The following WDPCP variants were observed in gnomAD, a reference collection of about 807,000 sequenced individuals.
WDPCP encodes WD repeat-containing and planar cell polarity effector protein fritz homolog.
In WDPCP, 71 loss-of-function variants were observed where a neutral mutation model predicts 93.1. That is an observed-to-expected ratio of 0.76 (90% CI 0.63 to 0.93). WDPCP has a LOEUF of 0.93. Ranked by LOEUF, WDPCP falls within the 40% of genes least tolerant of loss-of-function variation. WDPCP has a pLI of 0.00. For missense variants in WDPCP, 844 were observed against 887.4 expected (o/e 0.95, Z 0.62); for synonymous variants, 315 against 315.0 (o/e 1.00, Z 0.00).
At position 63,520,574 on chromosome 2, in the gene WDPCP, T is replaced by C. The variant is rs1373846559; in HGVS notation, c.76-27634A>G. 2.6e-5 allele frequency among the ~76,000 whole-genome samples: 4 copies of C among 152,236 alleles called. No homozygotes were observed. The East Asian group carries it at 5.8e-4, about 22-fold the overall frequency. ...GCCCTACAAACCAGAAGAGATTGGA[T>C]GCCTACATTAAGCATTTTTTAAAAA... is the stretch of plus-strand genomic sequence containing the variant. On this transcript the variant is annotated intron_variant, in intron 1 of 17. Coordinates refer to ENST00000272321, the MANE Select transcript of WDPCP (RefSeq NM_015910.7).
At chr2:63,638,330 T>TACAC (rs59283182) in intron 3 of WDPCP, among the ~76,000 whole-genome samples, 64 of 149,878 alleles carry the variant, frequency 4.3e-4, no homozygotes, top group African/African-American at 1.5e-3. Context: ...CTCTCTCACA[T>TACAC]ACACACACAC....
intron 2 of WDPCP, among the ~76,000 whole-genome samples, chr2:63,783,525 G>A (rs1173805040): frequency 6.6e-6 from 1 of 152,074 alleles, no homozygotes; most frequent in Non-Finnish European, 1.5e-5. Flanking sequence ...CAAACTAAGT[G>A]TTCATCAGCA....
intron 14 of WDPCP, among the ~76,000 whole-genome samples, chr2:63,248,425 T>G (rs568153588): frequency 6.6e-6 from 1 of 152,178 alleles, no homozygotes; most frequent in East Asian, 1.9e-4. Context: ...TTGATTCTAC[T>G]TGAAGTTCAT....
intron 12 of WDPCP, among the ~76,000 whole-genome samples, chr2:63,345,566 G>C: frequency 6.6e-6 from 1 of 152,142 alleles, no homozygotes; most frequent in Non-Finnish European, 1.5e-5. Context: ...AGCTCACAGA[G>C]GTTCTTATCT....
intron 17 of WDPCP, among the ~76,000 whole-genome samples, chr2:63,151,245 A>G (rs936305743): frequency 6.6e-6 from 1 of 152,152 alleles, no homozygotes; most frequent in Non-Finnish European, 1.5e-5. Context: ...ATTTCAAGAC[A>G]GGGTCTTACT....
chr2:63,386,952 C>G (rs567687208), intron 10 of WDPCP, among the ~76,000 whole-genome samples: 1 of 152,142 alleles, frequency 6.6e-6, no homozygotes, highest in South Asian at 2.1e-4. Flanking sequence ...GAAACTGAAT[C>G]CCTGAACAGA....
At chr2:63,665,493 C>T (rs557993040) in intron 2 of WDPCP, among the ~76,000 whole-genome samples, 1 of 152,216 alleles carries the variant, frequency 6.6e-6, no homozygotes, top group African/African-American at 2.4e-5. Flanking sequence ...CCAGTATGAC[C>T]TAATCATAAC....
chr2:63,350,594 G>C (rs1467887708), intron 12 of WDPCP, among the ~76,000 whole-genome samples: 2 of 152,048 alleles, frequency 1.3e-5, no homozygotes, highest in African/African-American at 4.8e-5. Context: ...GGCTTACACT[G>C]TGAGCTACTG....
intron 2 of WDPCP, among the ~76,000 whole-genome samples, chr2:63,669,835 C>A (rs1710324288): frequency 6.6e-6 from 1 of 152,246 alleles, no homozygotes; most frequent in Non-Finnish European, 1.5e-5. Flanking sequence ...TGAATAGCAA[C>A]CCCAGGATTT....
intron 14 of WDPCP, among the ~76,000 whole-genome samples, chr2:63,227,765 A>C (rs1283709197): frequency 6.6e-6 from 1 of 152,116 alleles, no homozygotes; most frequent in Non-Finnish European, 1.5e-5. Context: ...TGGCTTGCAA[A>C]TAGCATGTGC....
intron 12 of WDPCP, among the ~76,000 whole-genome samples, chr2:63,337,194 T>C (rs1027884149): frequency 6.6e-6 from 1 of 152,206 alleles, no homozygotes; most frequent in East Asian, 1.9e-4. Flanking sequence ...GCACGGCCCA[T>C]GAGAGTCACT....
At chr2:63,628,199 T>C (rs1709830595) in intron 3 of WDPCP, among the ~76,000 whole-genome samples, 1 of 152,162 alleles carries the variant, frequency 6.6e-6, no homozygotes, top group Admixed American at 6.5e-5. Context: ...ATATAGTCTA[T>C]ATACCAGCTT....
chr2:63,569,548 G>A (rs1456093490), intron 1 of WDPCP, among the ~76,000 whole-genome samples: 4 of 152,156 alleles, frequency 2.6e-5, no homozygotes, highest in Non-Finnish European at 4.4e-5. Context: ...AGACGGGAAG[G>A]TCCAAAGATT....
Position 63,808,710 on chromosome 2 carries a change from C to T in WDPCP, n.308+4912G>A, listed in dbSNP as rs1446623049. Among the ~76,000 whole-genome samples, 9 of 152,336 alleles carry T rather than the reference C, an allele frequency of 5.9e-5. No homozygotes were observed. The South Asian group carries it at 1.4e-3, about 25-fold the overall frequency. On this transcript the variant is annotated intron_variant and non_coding_transcript_variant, in intron 2 of 4. Coordinates refer to the WDPCP transcript ENST00000467687. ...CTCGCTACAACCTCCACCTCCCAGC[C>T]GCCTGCCTTGGCCTCCCAAAGTGCC...
intron 1 of WDPCP, among the ~76,000 whole-genome samples, chr2:63,541,741 C>T (rs1387871862): frequency 6.6e-6 from 1 of 152,076 alleles, no homozygotes; most frequent in Non-Finnish European, 1.5e-5. Context: ...ACTAATAAGA[C>T]CACAGACCAA....
chr2:63,564,196 G>A (rs1036809746), intron 1 of WDPCP: 4 of 152,170 alleles, frequency 2.6e-5, no homozygotes, highest in Admixed American at 2.0e-4. Flanking sequence ...GGGTCAACTT[G>A]TCAAGAATAT....
chr2:63,218,308 T>C (rs541593479), intron 14 of WDPCP, among the ~76,000 whole-genome samples: 4 of 152,282 alleles, frequency 2.6e-5, no homozygotes, highest in South Asian at 2.1e-4. Flanking sequence ...ATTAGAAATA[T>C]GATAGCGTTA....
intron 6 of WDPCP, chr2:63,440,111 T>A (rs910500890): frequency 2.4e-6 from 1 of 424,540 alleles, no homozygotes. Context: ...GAAACCTAAT[T>A]TAGGCCATGT....
chr2:63,635,520 C>G (rs1186379770), intron 3 of WDPCP, among the ~76,000 whole-genome samples: 1 of 151,922 alleles, frequency 6.6e-6, no homozygotes, highest in Non-Finnish European at 1.5e-5. Flanking sequence ...GAATCAAACA[C>G]CATAATCAAG....
Sources: allele counts gnomAD v4.1 joint callset (sites outside exome capture counted in the v4.1 genomes callset), GRCh38; gene constraint gnomAD v4.1.1; transcripts MANE v1.5; gene names NCBI Gene and HGNC (gene_info 2026-07-23, HGNC 2026-07-21).